SLC30A10: variants seen among roughly 807,000 people sequenced by gnomAD.
SLC30A10 encodes the protein calcium/manganese antiporter SLC30A10.
In SLC30A10, 8 loss-of-function variants were observed where a neutral mutation model predicts 21.7. That is an observed-to-expected ratio of 0.37 (90% CI 0.22 to 0.67). The LOEUF is 0.67. SLC30A10 is among the 30% of genes least tolerant of loss of function. The pLI is 0.58. For missense variants in SLC30A10, 521 were observed against 642.5 expected, an observed-to-expected ratio of 0.81 and a Z score of 2.04; for synonymous variants, 272 against 279.4, an observed-to-expected ratio of 0.97 and a Z score of 0.26.
chr1:219,956,996 G>A (rs968386179), intron 1 of SLC30A10, among the ~76,000 whole-genome samples: 4 of 152,094 alleles, frequency 2.6e-5, no homozygotes, highest in Admixed American at 2.6e-4. Context: ...CTAATCATTT[G>A]AAATCATCTC....
chr1:219,948,059 G>A (rs1483754337), intron 1 of SLC30A10, among the ~76,000 whole-genome samples: 3 of 151,910 alleles, frequency 2.0e-5, no homozygotes, highest in Admixed American at 6.6e-5. Context: ...TACAAGGGAC[G>A]TGAAGGATCT....
chr1:219,942,042 A>G (rs1277136794), intron 1 of SLC30A10, among the ~76,000 whole-genome samples: 3 of 152,220 alleles, frequency 2.0e-5, no homozygotes, highest in Non-Finnish European at 4.4e-5. Context: ...TGCTGTGGCC[A>G]TAAAAAGCAA....
At chr1:219,944,272 C>T (rs1233315755) in intron 1 of SLC30A10, among the ~76,000 whole-genome samples, 1 of 151,480 alleles carries the variant, frequency 6.6e-6, no homozygotes, top group Non-Finnish European at 1.5e-5. Flanking sequence ...ACGGTAAAAC[C>T]CCGTCTCTAC....
intron 1 of SLC30A10, among the ~76,000 whole-genome samples, chr1:219,934,841 C>T (rs965758198): frequency 6.6e-6 from 1 of 152,174 alleles, no homozygotes; most frequent in African/African-American, 2.4e-5. Context: ...TAGCACTGCT[C>T]TCTGTGTTTC....
At chr1:219,949,296 A>G (rs1660235116) in intron 1 of SLC30A10, among the ~76,000 whole-genome samples, 1 of 151,806 alleles carries the variant, frequency 6.6e-6, no homozygotes, top group East Asian at 1.9e-4. Flanking sequence ...TGCTATAAAG[A>G]CACATGCACA....
intron 1 of SLC30A10, among the ~76,000 whole-genome samples, chr1:219,946,116 A>G (rs1660184222): frequency 6.6e-6 from 1 of 152,210 alleles, no homozygotes; most frequent in Admixed American, 6.5e-5. Context: ...ATTTTCTGTT[A>G]TAATTTGATA....
At chr1:219,922,868 C>T (rs1446421313) in intron 2 of SLC30A10, among the ~76,000 whole-genome samples, 2 of 152,158 alleles carry the variant, frequency 1.3e-5, no homozygotes, top group African/African-American at 4.8e-5. Flanking sequence ...GATGACGGGA[C>T]TGAACATTAA....
chr1:219,945,971 C>T (rs1426446282), intron 1 of SLC30A10, among the ~76,000 whole-genome samples: 1 of 152,208 alleles, frequency 6.6e-6, no homozygotes, highest in African/African-American at 2.4e-5. Context: ...CAAACTGAGA[C>T]TGTGCCCAAA....
Position 219,911,713 on chromosome 1 carries a change from G to C in SLC30A10, c.*3736C>G, listed in dbSNP as rs1289706716. On this transcript the variant is annotated 3_prime_UTR_variant, in exon 4 of 4. Transcript: ENST00000366926. ...GCCTTTAAAAATATGTTTTTAAAGAGCAAATTCTGCAGAATTAATTATTAA... is the reference window on the plus strand; with the variant it reads ...GCCTTTAAAAATATGTTTTTAAAGACCAAATTCTGCAGAATTAATTATTAA... Among the ~76,000 whole-genome samples the C allele has an allele frequency of 6.6e-6, 1 of 152,100 alleles. No individual in the cohort carries two copies. Among genetic ancestry groups the C allele is most frequent in the Non-Finnish European group, 1.5e-5 (1 of 68,020 alleles).
chr1:219,912,115 C>T lies in SLC30A10; in HGVS notation c.*3334G>A, dbSNP rs1346692583. ...TCCTTGACATTCAAAACACCTGTCTCTACTGAACTTTAGAGTTCTTGATTT... is the reference window on the plus strand; with the variant it reads ...TCCTTGACATTCAAAACACCTGTCTTTACTGAACTTTAGAGTTCTTGATTT... On this transcript the variant is annotated 3_prime_UTR_variant, in exon 4 of 4. Transcript: ENST00000366926. Among the ~76,000 whole-genome samples, 2 of 138,966 alleles carry T rather than the reference C, an allele frequency of 1.4e-5. No individual in the cohort carries two copies. Among genetic ancestry groups the T allele is most frequent in the Non-Finnish European group, 3.0e-5 (2 of 65,850 alleles). 91.2% of individuals were successfully genotyped at this position (138,966 alleles called of 152,430 possible).
At chr1:219,944,443 G>A (rs565131663) in intron 1 of SLC30A10, among the ~76,000 whole-genome samples, 9 of 149,992 alleles carry the variant, frequency 6.0e-5, no homozygotes, top group Admixed American at 4.0e-4. Context: ...GCAAGACTCT[G>A]TCTCAAAAAC....
At position 219,953,072 on chromosome 1, in the gene SLC30A10, G is replaced by A. The variant is rs186911431; in HGVS notation, n.80+5496C>T. On this transcript the variant is annotated intron_variant and non_coding_transcript_variant, in intron 1 of 8. Transcript: ENST00000484239. ...CTGTGGTGTGTGCATTCTTATCACC[G>A]AATCCTCATGTGGAAGTTAATTGAT... Among the ~76,000 whole-genome samples the A allele has an allele frequency of 2.4e-3, 363 of 152,292 alleles. 4 individuals are homozygous for A. Among genetic ancestry groups the A allele is most frequent in the African/African-American group, 8.5e-3 (355 of 41,548 alleles).
intron 1 of SLC30A10, among the ~76,000 whole-genome samples, chr1:219,957,654 G>C (rs12039217): frequency 0.46 from 70,489 of 151,916 alleles, 16,437 homozygotes; most frequent in South Asian, 0.53. Flanking sequence ...GGTGAAGTAA[G>C]TTGACTATTG....
chr1:219,936,529 C>T (rs1188726627), intron 1 of SLC30A10, among the ~76,000 whole-genome samples: 1 of 152,152 alleles, frequency 6.6e-6, no homozygotes, highest in Non-Finnish European at 1.5e-5. Context: ...GTCCCTCATG[C>T]CCTGATCACA....
chr1:219,917,685 C>T (rs1214595803), intron 3 of SLC30A10, among the ~76,000 whole-genome samples: 1 of 147,524 alleles, frequency 6.8e-6, no homozygotes, highest in Non-Finnish European at 1.5e-5. Flanking sequence ...CCAAGCATTG[C>T]ATTCTTTTCT....
rs1215397678 is a variant in SLC30A10, at chr1:219,928,288, C to G, written c.153G>C (p.Leu51=). 1 of 1,605,156 alleles carries G rather than the reference C, an allele frequency of 6.2e-7. No homozygotes were observed. Among genetic ancestry groups the G allele is most frequent in the South Asian group, 1.1e-5 (1 of 89,844 alleles). The change falls in exon 1 of 4, where the codon CTG becomes CTC. Residue 51 remains leucine, a synonymous_variant. Transcript: ENST00000366926. This position sits in a 1 kb window ranked among gnomAD's most constrained non-coding sequence, Gnocchi z 6.3. Reference sequence around the variant, plus strand: ...TGTAGCCGGCGCTCAGGCCCACGCACAGCGAGATCAGGTCGGAGAGCATGT... The same window carrying G: ...TGTAGCCGGCGCTCAGGCCCACGCAGAGCGAGATCAGGTCGGAGAGCATGT... ...SFNMLSDLIS[L]CVGLSAGYIA...
chr1:219,939,706 G>A (rs184396681), intron 1 of SLC30A10, among the ~76,000 whole-genome samples: 1 of 152,262 alleles, frequency 6.6e-6, no homozygotes, highest in East Asian at 1.9e-4. Context: ...GGGATTACAG[G>A]TGTGAGCCAC....
At chr1:219,943,349 T>C (rs1660144919) in intron 1 of SLC30A10, among the ~76,000 whole-genome samples, 1 of 152,124 alleles carries the variant, frequency 6.6e-6, no homozygotes, top group Non-Finnish European at 1.5e-5. Flanking sequence ...GAGACCCTGA[T>C]CTCCCGCACC....
rs544288484 is a variant in SLC30A10 at position 219,911,266 on chromosome 1, T to C, written c.*4183A>G. On this transcript the variant is annotated 3_prime_UTR_variant, in exon 4 of 4. Transcript: ENST00000366926. The stretch of plus-strand genomic sequence containing the variant: ...ATTTTGCTCTCTTGAAGAAAATAGA[T>C]ATGATTTGGCAAAGGATAAAATTAG... Among the ~76,000 whole-genome samples the C allele has an allele frequency of 2.3e-4, 34 of 149,796 alleles. No individual in the cohort carries two copies. The highest frequency in any genetic ancestry group is 4.0e-4 in the Non-Finnish European group (27 of 67,790).
Sources: allele counts gnomAD v4.1 joint callset (sites outside exome capture counted in the v4.1 genomes callset), GRCh38; gene constraint gnomAD v4.1.1; non-coding constraint Gnocchi (gnomAD v3.1); transcripts MANE v1.5; gene names NCBI Gene and HGNC (gene_info 2026-07-23, HGNC 2026-07-21).